Variants in TAOK3 observed in about 807,000 individuals in gnomAD.
The protein encoded by TAOK3 is TAO kinase 3, also known as serine/threonine-protein kinase TAO3.
Under a neutral mutation model 120.4 loss-of-function variants are expected in TAOK3, and 40 were observed. The observed-to-expected ratio is 0.33, with a 90% confidence interval of 0.26 to 0.43. The LOEUF is 0.43. Among genes scored for constraint, TAOK3 ranks in the 20% least tolerant of loss-of-function variants. The probability of loss-of-function intolerance (pLI) is 1.00; values close to 1 mark genes in which losing one functional copy is unlikely to be tolerated. For synonymous variants in TAOK3, 355 were observed against 387.5 expected, an observed-to-expected ratio of 0.92 and a Z score of 0.99; for missense variants, 821 against 1,112.1, an observed-to-expected ratio of 0.74 and a Z score of 3.72.
At chr12:118,352,586 G>A (rs893295240) in intron 1 of TAOK3, among the ~76,000 whole-genome samples, 1 of 151,848 alleles carries the variant, frequency 6.6e-6, no homozygotes, top group Non-Finnish European at 1.5e-5. Context: ...ATATCAATCT[G>A]TAACCAATTA....
At chr12:118,170,015 C>T (rs1416032956) in intron 17 of TAOK3, among the ~76,000 whole-genome samples, 1 of 152,198 alleles carries the variant, frequency 6.6e-6, no homozygotes, top group Non-Finnish European at 1.5e-5. Flanking sequence ...GCCACTGCGC[C>T]CGGCCTCTCT....
chr12:118,362,454 C>T (rs1337940504), intron 1 of TAOK3, among the ~76,000 whole-genome samples: 2 of 151,820 alleles, frequency 1.3e-5, no homozygotes, highest in Non-Finnish European at 2.9e-5. Context: ...ATGGGTTGGA[C>T]AAGTTTGCAC....
chr12:118,211,072 ACAAGGGCAGG>A (rs2038607069), intron 11 of TAOK3, among the ~76,000 whole-genome samples: 1 of 152,074 alleles, frequency 6.6e-6, no homozygotes, highest in Non-Finnish European at 1.5e-5. Context: ...TGTAAGTTTC[ACAAGGGCAGG>A]CACTATGTTT....
rs1322173852 is a variant in TAOK3 at position 118,205,378 on chromosome 12, A to AG, written c.820-3916_820-3915insC. Among the ~76,000 whole-genome samples the AG allele has an allele frequency of 2.6e-5, 4 of 151,870 alleles. No homozygotes were observed. The East Asian group carries it at 5.8e-4, about 22-fold the overall frequency. On this transcript the variant is annotated intron_variant, in intron 11 of 20. Transcript: ENST00000392533. ...AAAGACTCTGTCTCAAAAAAAAAAA[A>AG]AGAAAGAAAATTTTTCTTTTTCAAA... is the stretch of plus-strand genomic sequence containing the variant.
Position 118,160,461 on chromosome 12 carries a change from T to A in TAOK3, c.2140-103A>T. The A allele has an allele frequency of 1.1e-6, 1 of 942,186 alleles. No homozygotes were observed. The highest frequency in any genetic ancestry group is 1.6e-6 in the Non-Finnish European group (1 of 618,134). 58.4% of individuals were successfully genotyped at this position (942,186 alleles called of 1,614,324 possible). A position where few individuals can be genotyped will look rare whatever the true frequency, so the allele number is the denominator to read the frequency against. ...ACAAGTGCTGAGAGCGTCTGTTTTT[T>A]GGTGCAGTGACTCACATTGCTAATC... On this transcript the variant is annotated intron_variant, in intron 18 of 20. Transcript: ENST00000392533. The surrounding 1 kb of genome is among the most constrained non-coding windows in gnomAD (Gnocchi z 4.2).
intron 12 of TAOK3, chr12:118,201,077 G>C (rs762387012): frequency 3.5e-5 from 14 of 397,420 alleles, no homozygotes; most frequent in Middle Eastern, 1.4e-3. Context: ...TTCTCCCCAT[G>C]ATGGACCCCT....
At chr12:118,268,606 A>G (rs1333132671) in intron 1 of TAOK3, among the ~76,000 whole-genome samples, 1 of 152,240 alleles carries the variant, frequency 6.6e-6, no homozygotes, top group East Asian at 1.9e-4. Flanking sequence ...TAACCAATCA[A>G]TAACTGCAAT....
intron 1 of TAOK3, among the ~76,000 whole-genome samples, chr12:118,267,685 GAC>G (rs1440477734): frequency 2.0e-5 from 3 of 148,810 alleles, no homozygotes; most frequent in Non-Finnish European, 3.0e-5. Context: ...AGGAGTTCAA[GAC>G]CAGCCTGACC....
intron 14 of TAOK3, among the ~76,000 whole-genome samples, chr12:118,183,557 G>T (rs557802531): frequency 1.3e-5 from 2 of 151,848 alleles, no homozygotes; most frequent in Non-Finnish European, 2.9e-5. Flanking sequence ...TTTTTTAATG[G>T]ACATAATTCA....
chr12:118,196,678 T>G (rs1366125404), intron 13 of TAOK3, among the ~76,000 whole-genome samples: 2 of 152,230 alleles, frequency 1.3e-5, no homozygotes, highest in African/African-American at 4.8e-5. Flanking sequence ...TTTAACTTTC[T>G]CAAACTGTAA....
At chr12:118,365,217 C>G (rs865889456) in intron 1 of TAOK3, among the ~76,000 whole-genome samples, 55 of 152,058 alleles carry the variant, frequency 3.6e-4, no homozygotes, top group African/African-American at 1.1e-3. Context: ...CCAAAGAAAT[C>G]AGTATCTCTC....
At position 118,244,879 on chromosome 12, in the gene TAOK3, C is replaced by G. The variant is rs775120033; in HGVS notation, c.192+15G>C. The G allele has an allele frequency of 2.2e-5, 35 of 1,584,032 alleles. No individual in the cohort carries two copies. The highest frequency in any genetic ancestry group is 3.0e-5 in the Non-Finnish European group (35 of 1,154,394). ...TGTTTATTTCAGTTTAGGTATACAA[C>G]TGTCTCTATCTCACCTCATGGGTCT... On this transcript the variant is annotated intron_variant, in intron 4 of 20. Transcript: ENST00000392533.
At position 118,235,635 on chromosome 12, in the gene TAOK3, T is replaced by G; in HGVS notation, c.474A>C (p.Pro158=). 6.2e-7 allele frequency: 1 copy of G among 1,613,402 alleles called. No homozygotes were observed. The highest frequency in any genetic ancestry group is 8.5e-7 in the Non-Finnish European group (1 of 1,179,788). The change falls in exon 8 of 21, where the codon CCA becomes CCC. Residue 158 remains proline, a synonymous_variant. Coordinates refer to ENST00000392533, the MANE Select transcript of TAOK3 (RefSeq NM_016281.4). ...CAAAATCAGCTAGTTTTACCTGACCTGGCTCTGTTAGAAGAATATTTCCTG... is the reference window on the plus strand; with the variant it reads ...CAAAATCAGCTAGTTTTACCTGACCGGGCTCTGTTAGAAGAATATTTCCTG... ...IKAGNILLTE[P]GQVKLADFGS...
intron 13 of TAOK3, chr12:118,190,696 T>C (rs1198757499): frequency 5.3e-5 from 8 of 152,276 alleles, no homozygotes; most frequent in African/African-American, 1.4e-4. Context: ...TTGACTGATT[T>C]AATCAAGCCC....
At chr12:118,368,952 A>C (rs541049091) in intron 1 of TAOK3, among the ~76,000 whole-genome samples, 13 of 148,852 alleles carry the variant, frequency 8.7e-5, no homozygotes, top group East Asian at 2.0e-4. Context: ...TGAGCTCAGG[A>C]GATTGAGACC....
intron 8 of TAOK3, 63 bp from the exon 9 acceptor site, chr12:118,233,828 G>T: frequency 2.8e-6 from 3 of 1,087,544 alleles, no homozygotes; most frequent in South Asian, 1.4e-5. Context: ...CCAGGAAAGT[G>T]ATTCAATGAA....
chr12:118,300,579 G>A (rs2042842077), intron 1 of TAOK3, among the ~76,000 whole-genome samples: 7 of 151,818 alleles, frequency 4.6e-5, no homozygotes, highest in Admixed American at 3.3e-4. Context: ...GCACACACAT[G>A]CACGCACACA....
chr12:118,221,850 G>A (rs1593206206), intron 9 of TAOK3, among the ~76,000 whole-genome samples: 1 of 151,078 alleles, frequency 6.6e-6, no homozygotes, highest in Admixed American at 6.6e-5. Flanking sequence ...TAGCCAGGAT[G>A]TTCTTGATCT....
intron 1 of TAOK3, among the ~76,000 whole-genome samples, chr12:118,297,799 T>C (rs2042737333): frequency 6.6e-6 from 1 of 152,188 alleles, no homozygotes. Context: ...CCAAAAGAAC[T>C]AGTATCTATT....
Sources: allele counts gnomAD v4.1 joint callset (sites outside exome capture counted in the v4.1 genomes callset), GRCh38; gene constraint gnomAD v4.1.1; non-coding constraint Gnocchi (gnomAD v3.1); transcripts MANE v1.5; gene names NCBI Gene and HGNC (gene_info 2026-07-23, HGNC 2026-07-21).